The following GFPT2 variants were observed in gnomAD, a reference collection of about 807,000 sequenced individuals.
The protein encoded by GFPT2 is glutamine--fructose-6-phosphate transaminase 2, also known as glutamine--fructose-6-phosphate aminotransferase [isomerizing] 2.
Under a neutral mutation model 85.6 loss-of-function variants are expected in GFPT2, and 62 were observed. That is an observed-to-expected ratio of 0.72 (90% CI 0.59 to 0.90). The LOEUF (loss-of-function observed/expected upper bound fraction) is 0.90, where lower values mean the gene tolerates loss of function less well. Ranked by LOEUF, GFPT2 falls within the 40% of genes least tolerant of loss-of-function variation. The pLI, the probability that GFPT2 is intolerant of heterozygous loss-of-function variation, is 0.00. For synonymous variants in GFPT2, 368 were observed against 344.5 expected (o/e 1.07, Z -0.75); for missense variants, 788 against 893.4 (o/e 0.88, Z 1.50).
intron 1 of GFPT2, 177 bp downstream of exon 1, chr5:180,353,034 C>A (rs1161885164): frequency 1.1e-5 from 5 of 435,964 alleles, no homozygotes; most frequent in Non-Finnish European, 1.5e-5. Flanking sequence ...ACTCGGGGAA[C>A]GCGGGTGAGG....
chr5:180,313,939 C>G lies in GFPT2; in HGVS notation c.1299G>C (p.Ala433=), dbSNP rs756474057. ...QSGETADTLL[A]LRYCKDRGAL... ...CGCCGCGGTCCTTACAGTAGCGCAG[C>G]GCCAGGAGGGTGTCCGCGGTCTCGC... is the stretch of plus-strand genomic sequence containing the variant. The change falls in exon 14 of 19, where the codon GCG becomes GCC. Residue 433 remains alanine, a synonymous_variant. Transcript: ENST00000253778. 4 of 1,602,624 alleles carry G rather than the reference C, an allele frequency of 2.5e-6. No homozygotes were observed. Among genetic ancestry groups the G allele is most frequent in the Non-Finnish European group, 2.5e-6 (3 of 1,178,984 alleles).
At chr5:180,326,142 T>C (rs1764208011) in intron 7 of GFPT2, among the ~76,000 whole-genome samples, 1 of 152,180 alleles carries the variant, frequency 6.6e-6, no homozygotes, top group Non-Finnish European at 1.5e-5. Flanking sequence ...AAATCTACCA[T>C]AGGTGTGCAC....
Position 180,318,812 on chromosome 5 carries a change from T to C in GFPT2, c.939A>G (p.Glu313=). The stretch of plus-strand genomic sequence containing the variant: ...ACCTGCCTTTCATGATTTGCTGCAG[T>C]TCCATCTGCAAGGTCTGGATGGCTC... ...PSRAIQTLQM[E]LQQIMKGNFS... Residue 313 remains glutamate (E), a synonymous_variant, in exon 10 of 19, where the codon GAA becomes GAG. Transcript: ENST00000253778. This position sits in a 1 kb window ranked among gnomAD's most constrained non-coding sequence, Gnocchi z 4.2. The C allele has an allele frequency of 1.2e-6, 2 of 1,613,296 alleles. No homozygotes were observed. The highest frequency in any genetic ancestry group is 1.7e-6 in the Non-Finnish European group (2 of 1,179,352).
Position 180,337,408 on chromosome 5 carries a change from G to A in GFPT2, c.116-831C>T, listed in dbSNP as rs867395264. ...GCGGAGCTTGCAGTGAGCTGAGATCGCGCCACTGCACTTCAGCCTGGGTGA... is the reference window on the plus strand; with the variant it reads ...GCGGAGCTTGCAGTGAGCTGAGATCACGCCACTGCACTTCAGCCTGGGTGA... On this transcript the variant is annotated intron_variant, in intron 2 of 18. Transcript: ENST00000253778. Among the ~76,000 whole-genome samples, 101 of 148,566 alleles carry A rather than the reference G, an allele frequency of 6.8e-4. 1 individual carries two copies. The highest frequency in any genetic ancestry group is 1.2e-3 in the Non-Finnish European group (81 of 67,416).
chr5:180,301,536 T>A lies in GFPT2; in HGVS notation c.*28A>T. ...GACAGGTCTGGAATCAGATGAAAGG[T>A]GGTGATGGTCTTGTCACGGTCTCAG... On this transcript the variant is annotated 3_prime_UTR_variant, in exon 19 of 19. Coordinates refer to ENST00000253778, the MANE Select transcript of GFPT2 (RefSeq NM_005110.4). The A allele has an allele frequency of 1.3e-6, 2 of 1,586,424 alleles. No homozygotes were observed. Among genetic ancestry groups the A allele is most frequent in the Non-Finnish European group, 1.7e-6 (2 of 1,154,742 alleles).
intron 16 of GFPT2, among the ~76,000 whole-genome samples, chr5:180,305,983 CTTTT>C (rs59887076): frequency 7.2e-6 from 1 of 138,752 alleles, no homozygotes. Context: ...TTCTTTCTTT[CTTTT>C]TTTTTTTTTT....
intron 16 of GFPT2, among the ~76,000 whole-genome samples, chr5:180,305,867 G>A (rs1336798812): frequency 6.6e-6 from 1 of 152,140 alleles, no homozygotes; most frequent in African/African-American, 2.4e-5. Flanking sequence ...AGGTGCAGGA[G>A]ATGGAGCTCA....
chr5:180,307,212 C>T lies in GFPT2; in HGVS notation c.1638G>A (p.Arg546=), dbSNP rs753245333. 2.7e-5 allele frequency: 43 copies of T among 1,607,508 alleles called. No homozygotes were observed. In the South Asian group the frequency reaches 3.7e-4, roughly 14 times the overall value. The part of the protein sequence containing the change: ...YTQRSLLVMG[R]GYNYATCLEG... ...CCAGGCAGGTGGCATAGTTGTAGCC[C>T]CGCCCCATCACCAGCAGCGATCTCT... The change falls in exon 16 of 19, where the codon CGG becomes CGA. Residue 546 remains arginine, a synonymous_variant. Transcript: ENST00000253778.
rs946099803 is a variant in GFPT2, at chr5:180,335,762, G to A, written c.340+66C>T. 5.2e-5 allele frequency: 79 copies of A among 1,528,668 alleles called. 1 individual carries two copies. The South Asian group carries it at 7.7e-4, about 15-fold the overall frequency. 94.7% of individuals were successfully genotyped at this position (1,528,668 alleles called of 1,614,324 possible). A position where few individuals can be genotyped will look rare whatever the true frequency, so the allele number is the denominator to read the frequency against. On this transcript the variant is annotated intron_variant, in intron 4 of 18. Transcript: ENST00000253778. ...AGGTGGGCGCGGAACCTGCTTTGGCGGGCACTGGCCCTGACACAGCTCAGG... is the reference window on the plus strand; with the variant it reads ...AGGTGGGCGCGGAACCTGCTTTGGCAGGCACTGGCCCTGACACAGCTCAGG...
intron 15 of GFPT2, among the ~76,000 whole-genome samples, chr5:180,310,977 G>T (rs77771251): frequency 0.012 from 1,811 of 152,264 alleles, 31 homozygotes; most frequent in African/African-American, 0.041. Context: ...CGTCAGAATT[G>T]GGTCCTGTTT....
Position 180,308,204 on chromosome 5 carries a change from T to C in GFPT2, c.1547-901A>G, listed in dbSNP as rs537240884. Among the ~76,000 whole-genome samples, 475 of 149,898 alleles carry C rather than the reference T, an allele frequency of 3.2e-3. 3 individuals are homozygous for C. The highest frequency in any genetic ancestry group is 0.011 in the African/African-American group (452 of 40,648). ...CTGGGAGGCGGAGCTTGCAGTGAGC[T>C]GAGATGGCACCACGGCACTCCAGCC... On this transcript the variant is annotated intron_variant, in intron 15 of 18. Transcript: ENST00000253778.
intron 1 of GFPT2, 178 bp downstream of exon 1, chr5:180,353,033 A>ACG (rs1764747949): frequency 2.4e-6 from 1 of 421,956 alleles, no homozygotes; most frequent in Non-Finnish European, 3.9e-6. Flanking sequence ...CACTCGGGGA[A>ACG]CGCGGGTGAG....
At chr5:180,336,629 A>C in intron 2 of GFPT2, 52 bp from the exon 3 acceptor site, 1 of 1,215,244 alleles carries the variant, frequency 8.2e-7, no homozygotes, top group Non-Finnish European at 1.2e-6. Flanking sequence ...TTTCTCACAC[A>C]CTTGGCACAG....
chr5:180,324,980 C>T, intron 7 of GFPT2, 85 bp from the exon 8 acceptor site: 1 of 846,018 alleles, frequency 1.2e-6, no homozygotes, highest in Non-Finnish European at 2.0e-6. Context: ...GTAGGATCCC[C>T]AAATCTAGCC....
In GFPT2 at chr5:180,318,858, G is replaced by A. The variant is rs201454563; in HGVS notation, c.893C>T (p.Ser298Leu). 7.1e-5 allele frequency: 114 copies of A among 1,613,950 alleles called. No individual in the cohort carries two copies. The highest frequency in any genetic ancestry group is 3.2e-4 in the South Asian group (29 of 91,078). ...GKLSIHRVKR[S>L]ASDDPSRAIQ... ...GGCTCGAGATGGGTCATCACTGGCC[G>A]AGCGCTTGACCCGGTGAATGGAGAG... Residue 298 changes from serine to leucine, a missense_variant, in exon 10 of 19, where the codon TCG becomes TTG. By Grantham distance (145) the Ser-to-Leu change is moderately radical. Coordinates refer to ENST00000253778, the MANE Select transcript of GFPT2 (RefSeq NM_005110.4). The surrounding 1 kb of genome is among the most constrained non-coding windows in gnomAD (Gnocchi z 4.2).
intron 13 of GFPT2, among the ~76,000 whole-genome samples, chr5:180,315,302 TGA>T (rs1763984070): frequency 1.3e-5 from 2 of 151,890 alleles, no homozygotes; most frequent in East Asian, 1.9e-4. Context: ...CTCAGCCTCC[TGA>T]GTAGCCGGGA....
At position 180,339,558 on chromosome 5, in the gene GFPT2, G is replaced by A. The variant is rs536322402; in HGVS notation, c.8-958C>T. Among the ~76,000 whole-genome samples, 31 of 152,236 alleles carry A rather than the reference G, an allele frequency of 2.0e-4. No individual in the cohort carries two copies. In the South Asian group the frequency reaches 5.6e-3, roughly 28 times the overall value. ...TAATTTTCCAAACAGAAAGTTAGCC[G>A]TTGTGTTGGTTCTGCCTTCCAGATT... is the stretch of plus-strand genomic sequence containing the variant. On this transcript the variant is annotated intron_variant, in intron 1 of 18. Coordinates refer to ENST00000253778, the MANE Select transcript of GFPT2 (RefSeq NM_005110.4).
chr5:180,343,470 G>A (rs1458712252), intron 1 of GFPT2, among the ~76,000 whole-genome samples: 1 of 152,254 alleles, frequency 6.6e-6, no homozygotes, highest in East Asian at 1.9e-4. Flanking sequence ...AAGCTGCCAA[G>A]GAGTGTGGTT....
At chr5:180,347,159 G>C (rs1764625784) in intron 1 of GFPT2, among the ~76,000 whole-genome samples, 1 of 152,256 alleles carries the variant, frequency 6.6e-6, no homozygotes, top group Non-Finnish European at 1.5e-5. Context: ...TGAGAGGCCA[G>C]GAGAGCCGAA....
Sources: gnomAD v4.1 joint callset for allele counts (sites outside exome capture counted in the v4.1 genomes callset) on GRCh38, gnomAD v4.1.1 for gene constraint, Gnocchi (gnomAD v3.1) non-coding constraint, MANE v1.5 for transcripts, NCBI Gene and HGNC (gene_info 2026-07-23, HGNC 2026-07-21) for gene names.